Variants in PTBP3 observed in about 807,000 individuals in gnomAD.
PTBP3 encodes polypyrimidine tract-binding protein 3.
In PTBP3, 20 loss-of-function variants were observed where a neutral mutation model predicts 58.7. That is an observed-to-expected ratio of 0.34 (90% confidence interval 0.24 to 0.50). PTBP3 has a LOEUF of 0.50. Among genes scored for constraint, PTBP3 ranks in the 20% least tolerant of loss-of-function variants. The pLI is 0.98. For missense variants in PTBP3, 509 were observed against 637.2 expected (o/e 0.80, Z 2.17); for synonymous variants, 185 against 219.8 (o/e 0.84, Z 1.40).
intron 5 of PTBP3, among the ~76,000 whole-genome samples, chr9:112,257,677 T>C (rs1407422775): frequency 1.3e-5 from 2 of 152,154 alleles, no homozygotes; most frequent in Admixed American, 1.3e-4. Flanking sequence ...CAGTGGCTCA[T>C]GCCTGTAATC....
At chr9:112,232,547 C>G (rs1038575658) in intron 8 of PTBP3, among the ~76,000 whole-genome samples, 4 of 152,168 alleles carry the variant, frequency 2.6e-5, no homozygotes, top group Non-Finnish European at 4.4e-5. Context: ...CCCTCTGTTT[C>G]TTACAATAGA....
intron 4 of PTBP3, among the ~76,000 whole-genome samples, chr9:112,263,615 T>C (rs1836685340): frequency 1.3e-5 from 2 of 152,218 alleles, no homozygotes; most frequent in African/African-American, 4.8e-5. Flanking sequence ...TAAAGGAGAC[T>C]AAAAAGACAT....
intron 2 of PTBP3, among the ~76,000 whole-genome samples, chr9:112,290,737 C>CACACACAT (rs1455955448): frequency 6.8e-6 from 1 of 146,918 alleles, no homozygotes; most frequent in Admixed American, 6.8e-5. Flanking sequence ...CACACACACA[C>CACACACAT]AATCAAGTGT....
chr9:112,250,946 G>A lies in PTBP3; in HGVS notation c.785C>T (p.Pro262Leu), dbSNP rs1381251474. Residue 262 changes from proline to leucine, a missense_variant, in exon 7 of 14, where the codon CCT becomes CTT. Transcript: ENST00000374257. ...TGDGQPSLEP[P>L]MAAAFGAPGI... Reference sequence around the variant, plus strand: ...CTACTCACCAAAAGCAGCAGCCATAGGGGGTTCAAGGGATGGCTGGCCATC... The same window carrying A: ...CTACTCACCAAAAGCAGCAGCCATAAGGGGTTCAAGGGATGGCTGGCCATC... The A allele has an allele frequency of 6.2e-7, 1 of 1,600,632 alleles. No individual in the cohort carries two copies.
At chr9:112,338,025 A>G (rs1218241353), upstream of PTBP3, among the ~76,000 whole-genome samples, 1 of 152,232 alleles carries the variant, frequency 6.6e-6, no homozygotes, top group African/African-American at 2.4e-5. Context: ...AAACAGAAAC[A>G]TCTGAAATTA....
At chr9:112,327,088 T>C (rs2132473328) in intron 1 of PTBP3, among the ~76,000 whole-genome samples, 1 of 151,710 alleles carries the variant, frequency 6.6e-6, no homozygotes, top group East Asian at 1.9e-4. Flanking sequence ...GGTGTGGTCC[T>C]AGCTACTCAG....
intron 2 of PTBP3, among the ~76,000 whole-genome samples, chr9:112,294,226 A>G (rs2132297096): frequency 6.6e-6 from 1 of 152,350 alleles, no homozygotes; most frequent in African/African-American, 2.4e-5. Flanking sequence ...TTATTATCAA[A>G]ACCTGGCAAG....
intron 2 of PTBP3, among the ~76,000 whole-genome samples, chr9:112,277,933 TAACA>T (rs1827690380): frequency 1.0e-5 from 1 of 98,112 alleles, no homozygotes; most frequent in Non-Finnish European, 2.1e-5. Flanking sequence ...TAACATAACA[TAACA>T]TAACATAATA....
At chr9:112,354,071 T>C in the PTBP3 span, among the ~76,000 whole-genome samples, 1 of 152,210 alleles carries the variant, frequency 6.6e-6, no homozygotes, top group East Asian at 1.9e-4. Flanking sequence ...ATACATTTTA[T>C]TTTACAACTA....
At chr9:112,371,631 A>T in the PTBP3 span, among the ~76,000 whole-genome samples, 4 of 144,948 alleles carry the variant, frequency 2.8e-5, no homozygotes, top group Non-Finnish European at 6.0e-5. Flanking sequence ...TGAGAACTGG[A>T]GAAGTTTTTA....
the PTBP3 span, among the ~76,000 whole-genome samples, chr9:112,339,548 AT>A: frequency 3.5e-5 from 5 of 143,708 alleles, no homozygotes; most frequent in Admixed American, 6.9e-5. Context: ...TGCCATTTTT[AT>A]TTTTTTTCTT....
Position 112,227,518 on chromosome 9 carries a change from C to T in PTBP3, c.1257G>A (p.Leu419=). ...AAGGACTATTGCTGAAATCCTTAGT[C>T]AGACCTTGGTCTTCTTGTCCCTCTC... is the stretch of plus-strand genomic sequence containing the variant. ...LPREGQEDQG[L]TKDFSNSPLH... Residue 419 remains leucine, a synonymous_variant, in exon 12 of 14, where the codon CTG becomes CTA. Transcript: ENST00000374257. 6.2e-7 allele frequency: 1 copy of T among 1,613,996 alleles called. No individual in the cohort carries two copies. Among genetic ancestry groups the T allele is most frequent in the Non-Finnish European group, 8.5e-7 (1 of 1,179,928 alleles).
At chr9:112,359,745 G>A in the PTBP3 span, among the ~76,000 whole-genome samples, 8 of 152,070 alleles carry the variant, frequency 5.3e-5, no homozygotes, top group Non-Finnish European at 1.0e-4. Context: ...GGAGGTTGCC[G>A]GGAGGCGGAG....
chr9:112,235,687 A>C (rs1835413368), intron 7 of PTBP3, among the ~76,000 whole-genome samples: 1 of 152,230 alleles, frequency 6.6e-6, no homozygotes, highest in African/African-American at 2.4e-5. Context: ...AAGTAAACAC[A>C]TAAATTTGTG....
chr9:112,269,731 AT>A (rs1827287373), intron 3 of PTBP3, among the ~76,000 whole-genome samples: 1 of 152,176 alleles, frequency 6.6e-6, no homozygotes, highest in South Asian at 2.1e-4. Flanking sequence ...ATTTTTCAGA[AT>A]AAAACTATTA....
intron 7 of PTBP3, among the ~76,000 whole-genome samples, chr9:112,247,939 T>C (rs560227652): frequency 7.3e-4 from 111 of 152,136 alleles, no homozygotes; most frequent in Non-Finnish European, 1.3e-3. Flanking sequence ...ATATTATATA[T>C]GTATATACAT....
At chr9:112,289,624 A>C (rs1292998363) in intron 2 of PTBP3, among the ~76,000 whole-genome samples, 6 of 152,266 alleles carry the variant, frequency 3.9e-5, no homozygotes, top group Non-Finnish European at 5.9e-5. Context: ...CTACAAAAAA[A>C]TTTAAAAATT....
intron 3 of PTBP3, 111 bp downstream of exon 3, chr9:112,275,733 G>C: frequency 9.7e-7 from 1 of 1,028,732 alleles, no homozygotes; most frequent in Non-Finnish European, 1.4e-6. Flanking sequence ...ACTAACTTAT[G>C]TTCATAGTAT....
the PTBP3 span, among the ~76,000 whole-genome samples, chr9:112,351,053 G>A: frequency 6.6e-6 from 1 of 152,270 alleles, no homozygotes; most frequent in Non-Finnish European, 1.5e-5. Context: ...CCAAAGTGCT[G>A]GGATTACAGG....
Sources: gnomAD v4.1 joint callset for allele counts (sites outside exome capture counted in the v4.1 genomes callset) on GRCh38, gnomAD v4.1.1 for gene constraint, MANE v1.5 for transcripts, NCBI Gene and HGNC (gene_info 2026-07-23, HGNC 2026-07-21) for gene names.